SCN9A: variants seen among roughly 807,000 people sequenced by gnomAD.
SCN9A encodes sodium channel protein type 9 subunit alpha.
Under a neutral mutation model 187.0 loss-of-function variants are expected in SCN9A, and 131 were observed. That is an observed-to-expected ratio of 0.70 (90% CI 0.61 to 0.81). The LOEUF is 0.81. SCN9A is among the 30% of genes least tolerant of loss of function. The pLI, the probability that SCN9A is intolerant of heterozygous loss-of-function variation, is 0.00. For missense variants in SCN9A, 2,252 were observed against 2,396.6 expected (o/e 0.94, Z 1.26); for synonymous variants, 809 against 808.6 (o/e 1.00, Z -0.01).
In SCN9A at chr2:166,364,937, G is replaced by A. The variant is rs142666506; in HGVS notation, c.-51+10760C>T. Among the ~76,000 whole-genome samples, 191 of 152,192 alleles carry A rather than the reference G, an allele frequency of 1.3e-3. 1 individual carries two copies. The highest frequency in any genetic ancestry group is 4.5e-3 in the African/African-American group (187 of 41,518). On this transcript the variant is annotated intron_variant, in intron 1 of 26. Coordinates refer to ENST00000642356, the MANE Select transcript of SCN9A (RefSeq NM_001365536.1). ...AACAAAATCACAGCAGTTAGCAACC[G>A]GTCAACCCTGACAACATGCGGTGTC... is the stretch of plus-strand genomic sequence containing the variant.
Position 166,198,523 on chromosome 2 carries a change from A to T in SCN9A, c.*149T>A. The T allele has an allele frequency of 1.6e-6, 1 of 619,840 alleles. No individual in the cohort carries two copies. Among genetic ancestry groups the T allele is most frequent in the South Asian group, 2.2e-5 (1 of 45,406 alleles). The allele number at this position is 619,840 out of a possible 1,614,324, so 38.4% of individuals were successfully genotyped here. On this transcript the variant is annotated 3_prime_UTR_variant, in exon 27 of 27. Coordinates refer to ENST00000642356, the MANE Select transcript of SCN9A (RefSeq NM_001365536.1). ...AAATAACCATCTGCTAATGCTGCCC[A>T]CCTTTCTTAGGAAATCAGAGTTAGT...
rs567363028 is a variant in SCN9A, at chr2:166,304,412, G to A, written c.597-83C>T. The stretch of plus-strand genomic sequence containing the variant: ...AGCCTTTAGTCAAGGTATTTTCTAC[G>A]TTTGGGGCTTCTATTTTAAATGTAT... On this transcript the variant is annotated intron_variant, in intron 5 of 26. Transcript: ENST00000642356. 2.4e-5 allele frequency: 28 copies of A among 1,165,832 alleles called. No individual in the cohort carries two copies. The Middle Eastern group carries it at 8.5e-4, about 35-fold the overall frequency. The allele number at this position is 1,165,832 out of a possible 1,614,324, so 72.2% of individuals were successfully genotyped here.
intron 1 of SCN9A, among the ~76,000 whole-genome samples, chr2:166,334,740 A>G (rs1209754449): frequency 6.6e-6 from 1 of 152,286 alleles, no homozygotes; most frequent in African/African-American, 2.4e-5. Context: ...AATTTTTATT[A>G]CGGCAGTAGA....
At chr2:166,323,132 C>A (rs1434868693) in intron 1 of SCN9A, among the ~76,000 whole-genome samples, 1 of 151,904 alleles carries the variant, frequency 6.6e-6, no homozygotes, top group Non-Finnish European at 1.5e-5. Flanking sequence ...AGACTTTTTT[C>A]TTTTTTATTC....
chr2:166,318,318 G>A (rs1193104130), intron 1 of SCN9A, among the ~76,000 whole-genome samples: 21 of 152,076 alleles, frequency 1.4e-4, no homozygotes, highest in Non-Finnish European at 3.1e-4. Context: ...TCTTTCAAGA[G>A]AGGATTTGTC....
chr2:166,218,937 C>A (rs1167037857), intron 24 of SCN9A, among the ~76,000 whole-genome samples: 1 of 151,956 alleles, frequency 6.6e-6, no homozygotes, highest in Non-Finnish European at 1.5e-5. Context: ...AAAGAAGACA[C>A]ACATGCAACA....
chr2:166,324,615 TCAA>T (rs1574927266), intron 1 of SCN9A, among the ~76,000 whole-genome samples: 1 of 152,120 alleles, frequency 6.6e-6, no homozygotes, highest in East Asian at 1.9e-4. Flanking sequence ...ATAGTTAACA[TCAA>T]CAACGATAAC....
In SCN9A at chr2:166,303,324, G is replaced by A. The variant is rs1382619738; in HGVS notation, c.689-22C>T. On this transcript the variant is annotated intron_variant, in intron 6 of 26. Coordinates refer to ENST00000642356, the MANE Select transcript of SCN9A (RefSeq NM_001365536.1). ...AGGCCTGAAAATGGGAGAAAAAAGT[G>A]TTTGTAATGACATAAAGCCTCTGAA... 3.8e-6 allele frequency: 6 copies of A among 1,590,332 alleles called. No individual in the cohort carries two copies. In the Admixed American group the frequency reaches 5.1e-5, roughly 14 times the overall value.
intron 17 of SCN9A, among the ~76,000 whole-genome samples, chr2:166,268,622 C>T (rs1574837151): frequency 6.6e-6 from 1 of 151,924 alleles, no homozygotes; most frequent in East Asian, 1.9e-4. Context: ...ACAAAAATGA[C>T]AGAATTTAAA....
intron 20 of SCN9A, among the ~76,000 whole-genome samples, chr2:166,236,805 G>C (rs180680586): frequency 1.2e-4 from 19 of 152,266 alleles, no homozygotes; most frequent in African/African-American, 4.6e-4. Flanking sequence ...GTAACATTTT[G>C]CAGTCAGATT....
Position 166,278,218 on chromosome 2 carries a change from G to T in SCN9A, c.2439C>A (p.Ser813Arg). ...YFQVGWNIFD[S>R]LIVTLSLVEL... ...CCACTAAACTTAAAGTCACAATAAG[G>T]CTGTCAAAAATATTCCAGCCTACTT... The change falls in exon 15 of 27, where the codon AGC becomes AGA. Residue 813 changes from serine to arginine, a missense_variant. Physicochemically the swap from Ser to Arg is moderately radical, Grantham distance 110. This residue lies in a region of SCN9A where 1,013 missense variants were observed against 997.4 expected (regional missense o/e 1.02). Coordinates refer to ENST00000642356, the MANE Select transcript of SCN9A (RefSeq NM_001365536.1). The T allele has an allele frequency of 6.2e-7, 1 of 1,612,712 alleles. No individual in the cohort carries two copies. The highest frequency in any genetic ancestry group is 8.5e-7 in the Non-Finnish European group (1 of 1,179,342).
At chr2:166,350,641 A>C (rs1700011863) in intron 1 of SCN9A, among the ~76,000 whole-genome samples, 1 of 152,184 alleles carries the variant, frequency 6.6e-6, no homozygotes, top group Non-Finnish European at 1.5e-5. Context: ...TTTTGTCTGT[A>C]AATAAGAATT....
intron 18 of SCN9A, among the ~76,000 whole-genome samples, chr2:166,242,911 T>G (rs182037226): frequency 2.6e-5 from 4 of 152,234 alleles, no homozygotes; most frequent in African/African-American, 7.2e-5. Flanking sequence ...CCAATTTCTC[T>G]TCAGTCTCCT....
At chr2:166,275,629 A>G (rs2106466378) in intron 16 of SCN9A, among the ~76,000 whole-genome samples, 1 of 152,182 alleles carries the variant, frequency 6.6e-6, no homozygotes, top group Middle Eastern at 3.4e-3. Flanking sequence ...AGGAGCTTAT[A>G]AATACAAAAC....
chr2:166,245,847 G>A (rs755110286), intron 18 of SCN9A, among the ~76,000 whole-genome samples: 1 of 151,972 alleles, frequency 6.6e-6, no homozygotes, highest in Non-Finnish European at 1.5e-5. Context: ...ATCATAAGTT[G>A]TATGTTCTAA....
At chr2:166,313,773 T>G (rs553028786) in intron 1 of SCN9A, among the ~76,000 whole-genome samples, 1 of 152,350 alleles carries the variant, frequency 6.6e-6, no homozygotes, top group East Asian at 1.9e-4. Context: ...AAGTACTTAG[T>G]GCAAGAGGCC....
In SCN9A at chr2:166,281,801, G is replaced by A; in HGVS notation, c.1982C>T (p.Thr661Ile). ...DKATSDDSGT[T>I]NQIHKKRRCS... The stretch of plus-strand genomic sequence containing the variant: ...ACGCCTTTTCTTGTGTATTTGATTG[G>A]TCGTGCCCTAAAAAAAAAATCAATT... Residue 661 changes from threonine to isoleucine, a missense_variant, in exon 13 of 27, where the codon ACC becomes ATC. This residue lies in a region of SCN9A where 1,013 missense variants were observed against 997.4 expected (regional missense o/e 1.02). Transcript: ENST00000642356. 1.2e-6 allele frequency: 2 copies of A among 1,602,508 alleles called. No individual in the cohort carries two copies. Among genetic ancestry groups the A allele is most frequent in the Non-Finnish European group, 1.7e-6 (2 of 1,176,368 alleles).
intron 9 of SCN9A, among the ~76,000 whole-genome samples, chr2:166,290,078 C>T (rs1484852210): frequency 6.6e-6 from 1 of 152,022 alleles, no homozygotes; most frequent in African/African-American, 2.4e-5. Flanking sequence ...CCTCCCACCC[C>T]CCAACAGGCC....
chr2:166,343,364 T>A (rs1413251805), intron 1 of SCN9A, among the ~76,000 whole-genome samples: 1 of 152,094 alleles, frequency 6.6e-6, no homozygotes, highest in East Asian at 1.9e-4. Flanking sequence ...AGTTTTTGAT[T>A]GATACAAAAT....
Sources: gnomAD v4.1 joint callset for allele counts (sites outside exome capture counted in the v4.1 genomes callset) on GRCh38, gnomAD v4.1.1 for gene constraint, gnomAD v4.1.1 regional missense constraint, MANE v1.5 for transcripts, NCBI Gene and HGNC (gene_info 2026-07-23, HGNC 2026-07-21) for gene names.